The following DOCK3 variants were observed in gnomAD, a reference collection of about 807,000 sequenced individuals.
DOCK3 encodes the protein dedicator of cytokinesis protein 3.
DOCK3 carries 60 observed loss-of-function variants against 265.6 expected under a neutral mutation model. The observed-to-expected ratio is 0.23, with a 90% confidence interval of 0.18 to 0.28. The LOEUF is 0.28. DOCK3 is among the 10% of genes least tolerant of loss of function. The pLI, the probability that DOCK3 is intolerant of heterozygous loss-of-function variation, is 1.00. For missense variants in DOCK3, 1,981 were observed against 2,594.3 expected, an observed-to-expected ratio of 0.76 and a Z score of 5.14; for synonymous variants, 881 against 938.0, an observed-to-expected ratio of 0.94 and a Z score of 1.11.
intron 12 of DOCK3, among the ~76,000 whole-genome samples, chr3:51,195,630 C>G (rs1224022572): frequency 1.3e-5 from 2 of 152,064 alleles, no homozygotes; most frequent in East Asian, 3.9e-4. Flanking sequence ...GTTGGCCAGG[C>G]TAGTCTCAAA....
intron 1 of DOCK3, among the ~76,000 whole-genome samples, chr3:50,722,240 G>A (rs1176187791): frequency 1.3e-5 from 2 of 152,168 alleles, no homozygotes; most frequent in East Asian, 3.9e-4. Context: ...AGTACAGAAA[G>A]CCTGGGGCAT....
intron 33 of DOCK3, among the ~76,000 whole-genome samples, chr3:51,332,169 T>G (rs1434526563): frequency 2.6e-5 from 4 of 152,224 alleles, no homozygotes; most frequent in Non-Finnish European, 5.9e-5. Flanking sequence ...CAGGTGACTC[T>G]CATGACCTTA....
At chr3:51,010,247 GAGTCTA>G (rs894198949) in intron 5 of DOCK3, among the ~76,000 whole-genome samples, 6 of 152,266 alleles carry the variant, frequency 3.9e-5, no homozygotes, top group Non-Finnish European at 7.4e-5. Context: ...TACTGTGTGG[GAGTCTA>G]AGTCTGTTTG....
intron 5 of DOCK3, among the ~76,000 whole-genome samples, chr3:50,994,734 A>T (rs2078220276): frequency 6.6e-6 from 1 of 152,216 alleles, no homozygotes; most frequent in African/African-American, 2.4e-5. Flanking sequence ...TTTGTCAGCG[A>T]TGTTTAGAGA....
At chr3:51,317,224 T>A (rs2083414083) in intron 32 of DOCK3, among the ~76,000 whole-genome samples, 1 of 151,684 alleles carries the variant, frequency 6.6e-6, no homozygotes, top group African/African-American at 2.4e-5. Context: ...AAGAGTATCC[T>A]TTCTTCAGTT....
At chr3:51,049,418 G>C (rs2080904741) in intron 5 of DOCK3, among the ~76,000 whole-genome samples, 1 of 152,112 alleles carries the variant, frequency 6.6e-6, no homozygotes, top group African/African-American at 2.4e-5. Context: ...AGCAGTTGAG[G>C]GACCTGGAAG....
intron 1 of DOCK3, among the ~76,000 whole-genome samples, chr3:50,733,476 C>T (rs182200991): frequency 9.8e-4 from 149 of 152,160 alleles, no homozygotes; most frequent in Non-Finnish European, 1.8e-3. Flanking sequence ...TTATATAATG[C>T]CCATATTTGT....
At chr3:51,313,243 C>G (rs2109604874) in intron 31 of DOCK3, among the ~76,000 whole-genome samples, 1 of 152,328 alleles carries the variant, frequency 6.6e-6, no homozygotes, top group Middle Eastern at 3.4e-3. Flanking sequence ...ACTTCCCAGT[C>G]TGGATGTTGC....
chr3:51,200,036 A>G (rs1173667896), intron 12 of DOCK3, among the ~76,000 whole-genome samples: 1 of 152,086 alleles, frequency 6.6e-6, no homozygotes, highest in African/African-American at 2.4e-5. Context: ...CCATCTGTAC[A>G]TCACCATCAT....
intron 1 of DOCK3, among the ~76,000 whole-genome samples, chr3:50,756,527 G>A (rs1299591841): frequency 6.6e-6 from 1 of 152,104 alleles, no homozygotes; most frequent in African/African-American, 2.4e-5. Context: ...TTTTGAACAT[G>A]TGTGTACAGG....
chr3:50,983,591 T>C lies in DOCK3; in HGVS notation c.315+49514T>C, dbSNP rs181206325. On this transcript the variant is annotated intron_variant, in intron 5 of 52. Transcript: ENST00000266037. ...GCTACCTACCCTCTCTGTTAGGAGCTGAACACTCATTGGGATACCCTTGCT... is the reference window on the plus strand; with the variant it reads ...GCTACCTACCCTCTCTGTTAGGAGCCGAACACTCATTGGGATACCCTTGCT... Among the ~76,000 whole-genome samples, 2 of 152,266 alleles carry C rather than the reference T, an allele frequency of 1.3e-5. 1 individual carries two copies. The highest frequency in any genetic ancestry group is 1.3e-4 in the Admixed American group (2 of 15,296).
rs1407091253 is a variant in DOCK3, at chr3:50,778,666, C to T, written c.38-9C>T. The T allele has an allele frequency of 6.4e-7, 1 of 1,574,252 alleles. No homozygotes were observed. On this transcript the variant is annotated splice_polypyrimidine_tract_variant and intron_variant, in intron 1 of 52. Transcript: ENST00000266037. ...ATGCTAATTGGTGTGTTTATCCTTG[C>T]TTTTCTAGTGATATGCAGCTTTCGA...
At chr3:51,172,244 C>T (rs180849073) in intron 12 of DOCK3, among the ~76,000 whole-genome samples, 8 of 151,724 alleles carry the variant, frequency 5.3e-5, no homozygotes, top group South Asian at 2.1e-4. Flanking sequence ...GGCACAATCT[C>T]GACTCACTGC....
chr3:50,785,873 A>G (rs1219920331), intron 2 of DOCK3, among the ~76,000 whole-genome samples: 1 of 152,070 alleles, frequency 6.6e-6, no homozygotes, highest in Admixed American at 6.5e-5. Context: ...GAATAGTTTC[A>G]ATAGGATTTT....
chr3:51,029,181 A>G (rs188795811), intron 5 of DOCK3, among the ~76,000 whole-genome samples: 168 of 151,982 alleles, frequency 1.1e-3, no homozygotes, highest in Non-Finnish European at 2.0e-3. Flanking sequence ...AAGGTTTTGT[A>G]TGGGTTCCTT....
chr3:50,813,883 C>T (rs986000447), intron 2 of DOCK3, among the ~76,000 whole-genome samples: 11 of 151,976 alleles, frequency 7.2e-5, no homozygotes, highest in African/African-American at 2.7e-4. Context: ...TAAAAACATG[C>T]AAAAGAATAC....
intron 9 of DOCK3, among the ~76,000 whole-genome samples, chr3:51,098,598 C>A (rs776347436): frequency 1.3e-5 from 2 of 152,192 alleles, no homozygotes; most frequent in Non-Finnish European, 2.9e-5. Flanking sequence ...TTGTTTCCCT[C>A]TGCAAAAGAG....
chr3:50,863,337 A>C lies in DOCK3; in HGVS notation c.162+21622A>C. On this transcript the variant is annotated intron_variant, in intron 3 of 52. Coordinates refer to ENST00000266037, the MANE Select transcript of DOCK3 (RefSeq NM_004947.5). ...GTTCAGGTCTGAGGGGAATGCAGAT[A>C]GCCTGTGTGAGCTGGCTACCCGGTT... The C allele has an allele frequency of 8.0e-6, 4 of 499,632 alleles. No individual in the cohort carries two copies. In the Admixed American group the frequency reaches 8.0e-5, roughly 10 times the overall value. 30.9% of individuals were successfully genotyped at this position (499,632 alleles called of 1,614,324 possible).
chr3:51,134,843 G>C (rs1439156523), intron 9 of DOCK3, among the ~76,000 whole-genome samples: 1 of 152,120 alleles, frequency 6.6e-6, no homozygotes, highest in African/African-American at 2.4e-5. Flanking sequence ...AACCTTTCCA[G>C]ATTTGAATTT....
Sources: allele counts gnomAD v4.1 joint callset (sites outside exome capture counted in the v4.1 genomes callset), GRCh38; gene constraint gnomAD v4.1.1; transcripts MANE v1.5; gene names NCBI Gene and HGNC (gene_info 2026-07-23, HGNC 2026-07-21).